The following KRT8 variants were observed in gnomAD, a reference collection of about 807,000 sequenced individuals.
The protein encoded by KRT8 is keratin 8, also known as keratin, type II cytoskeletal 8.
KRT8 carries 24 observed loss-of-function variants against 43.0 expected under a neutral mutation model. The ratio of observed to expected loss-of-function variants is 0.56; its 90% CI spans 0.40 to 0.78. The LOEUF (loss-of-function observed/expected upper bound fraction) is 0.78, where lower values mean the gene tolerates loss of function less well. Ranked by LOEUF, KRT8 falls within the 30% of genes least tolerant of loss-of-function variation. The probability of loss-of-function intolerance (pLI) is 0.00; values close to 1 mark genes in which losing one functional copy is unlikely to be tolerated. For missense variants in KRT8, 492 were observed against 638.4 expected, an observed-to-expected ratio of 0.77 and a Z score of 2.47; for synonymous variants, 214 against 261.2, an observed-to-expected ratio of 0.82 and a Z score of 1.74.
intron 2 of KRT8, among the ~76,000 whole-genome samples, chr12:52,923,952 C>G (rs954525776): frequency 1.3e-5 from 2 of 151,304 alleles, no homozygotes; most frequent in Admixed American, 6.6e-5. Context: ...TCAAGCGATT[C>G]TCCTGCCTCA....
At chr12:52,928,906 C>CA (rs1429397785) in intron 2 of KRT8, among the ~76,000 whole-genome samples, 1 of 151,994 alleles carries the variant, frequency 6.6e-6, no homozygotes, top group East Asian at 1.9e-4. Context: ...AACTCCAACT[C>CA]AAAAAACAAA....
chr12:52,914,517 A>C (rs56187046), intron 2 of KRT8, among the ~76,000 whole-genome samples: 1 of 152,196 alleles, frequency 6.6e-6, no homozygotes, highest in Non-Finnish European at 1.5e-5. Context: ...AGCCTGGGCA[A>C]CAACAGTGAA....
At chr12:52,937,505 T>C (rs543909843) in intron 2 of KRT8, among the ~76,000 whole-genome samples, 45 of 150,934 alleles carry the variant, frequency 3.0e-4, no homozygotes, top group African/African-American at 1.1e-3. Context: ...CTGGGCAACA[T>C]GGCAAAACCC....
chr12:52,942,186 G>C (rs1942278427), intron 2 of KRT8, among the ~76,000 whole-genome samples: 1 of 152,118 alleles, frequency 6.6e-6, no homozygotes, highest in Non-Finnish European at 1.5e-5. Flanking sequence ...CTTCCAGGAG[G>C]AGGAGGCACA....
chr12:52,939,866 A>C (rs1400546928), intron 2 of KRT8, among the ~76,000 whole-genome samples: 1 of 152,140 alleles, frequency 6.6e-6, no homozygotes, highest in African/African-American at 2.4e-5. Flanking sequence ...TGGGAGGATC[A>C]CTTGGGGTCA....
At chr12:52,936,006 C>T (rs1449728847) in intron 2 of KRT8, among the ~76,000 whole-genome samples, 3 of 152,176 alleles carry the variant, frequency 2.0e-5, no homozygotes, top group African/African-American at 4.8e-5. Context: ...ATAATCCCAG[C>T]ACTTTGGGAG....
chr12:52,904,587 G>T, intron 1 of KRT8, 71 bp downstream of exon 1: 1 of 1,410,580 alleles, frequency 7.1e-7, no homozygotes, highest in Non-Finnish European at 1.0e-6. Context: ...GGCTGGAGAT[G>T]TGCATAGGGA....
intron 2 of KRT8, among the ~76,000 whole-genome samples, chr12:52,929,693 C>T (rs1942053812): frequency 6.6e-6 from 1 of 152,146 alleles, no homozygotes; most frequent in African/African-American, 2.4e-5. Flanking sequence ...GCTAGCATCT[C>T]CCATGCAGCT....
exon 8 of KRT8, chr12:52,897,239 T>C (rs1383890246): frequency 1.5e-6 from 1 of 662,678 alleles, no homozygotes; most frequent in Non-Finnish European, 2.7e-6. Context: ...AAAAAAGCAA[T>C]TGAATTGTTT....
exon 1 of KRT8, chr12:52,904,970 C>T (rs749482560): frequency 6.2e-7 from 1 of 1,609,954 alleles, no homozygotes; most frequent in African/African-American, 1.3e-5. Flanking sequence ...TCTGGGTCAC[C>T]CTGATGGACA....
intron 2 of KRT8, among the ~76,000 whole-genome samples, chr12:52,922,872 T>C (rs1941915847): frequency 6.6e-6 from 1 of 152,164 alleles, no homozygotes; most frequent in South Asian, 2.1e-4. Flanking sequence ...GCAGACAGTC[T>C]GGGAGATGCA....
At chr12:52,926,736 A>G (rs1213619058) in intron 2 of KRT8, among the ~76,000 whole-genome samples, 1 of 152,096 alleles carries the variant, frequency 6.6e-6, no homozygotes, top group Non-Finnish European at 1.5e-5. Flanking sequence ...CAGTCTTCTT[A>G]TCCTTATTTA....
chr12:52,898,807 G>A lies in KRT8; in HGVS notation c.1074C>T (p.Ala358=), dbSNP rs541743394. Residue 358 remains alanine (A), a synonymous_variant, in exon 6 of 8, where the codon GCC becomes GCT. Coordinates refer to ENST00000692008, the Ensembl canonical transcript of KRT8. ...TGTCCTGCTTGGCCCGCTGCAGGGC[G>A]GCCTCCAGCTCGGACAACTTGGCGT... 5.4e-5 allele frequency: 87 copies of A among 1,614,212 alleles called. 2 individuals carry two copies. The Middle Eastern group carries it at 6.6e-4, about 12-fold the overall frequency.
chr12:52,938,814 T>G (rs569945335), intron 2 of KRT8, among the ~76,000 whole-genome samples: 1 of 152,220 alleles, frequency 6.6e-6, no homozygotes, highest in South Asian at 2.1e-4. Context: ...AGACGGGGTT[T>G]CACCGTGTTA....
chr12:52,906,941 C>A, upstream of KRT8: 1 of 359,282 alleles, frequency 2.8e-6, no homozygotes, highest in Non-Finnish European at 5.5e-6. Flanking sequence ...GACAGACAAA[C>A]TTAAAAAGAC....
chr12:52,918,205 C>CAAGAAGAAGAAGAAGAAG (rs371624304), intron 2 of KRT8, among the ~76,000 whole-genome samples: 30 of 116,668 alleles, frequency 2.6e-4, no homozygotes, highest in Admixed American at 1.1e-3. Flanking sequence ...AGAAGAAGAA[C>CAAGAAGAAGAAGAAGAAG]AAGAAGAAGA....
chr12:52,897,941 T>G (rs567484986), intron 7 of KRT8, among the ~76,000 whole-genome samples: 1 of 152,252 alleles, frequency 6.6e-6, no homozygotes, highest in Non-Finnish European at 1.5e-5. Context: ...ATCCCAGCAC[T>G]GATCACAAGG....
At chr12:52,909,828 A>C (rs1366809240), upstream of KRT8, among the ~76,000 whole-genome samples, 1 of 152,240 alleles carries the variant, frequency 6.6e-6, no homozygotes, top group Non-Finnish European at 1.5e-5. Context: ...GCTTGTGATA[A>C]GAGATATGAT....
chr12:52,909,853 A>T (rs1941596689), upstream of KRT8, among the ~76,000 whole-genome samples: 1 of 152,214 alleles, frequency 6.6e-6, no homozygotes, highest in Non-Finnish European at 1.5e-5. Context: ...AATTATTAGA[A>T]CAAGAGTGAG....
Sources: allele counts gnomAD v4.1 joint callset (sites outside exome capture counted in the v4.1 genomes callset), GRCh38; gene constraint gnomAD v4.1.1; transcripts MANE v1.5; gene names NCBI Gene and HGNC (gene_info 2026-07-23, HGNC 2026-07-21).